The following NDRG3 variants were observed in gnomAD, a reference collection of about 807,000 sequenced individuals.
NDRG3 encodes the protein protein NDRG3.
Under a neutral mutation model 57.2 loss-of-function variants are expected in NDRG3, and 23 were observed. The ratio of observed to expected loss-of-function variants is 0.40; its 90% CI spans 0.29 to 0.57. NDRG3 has a LOEUF of 0.57. Ranked by LOEUF, NDRG3 falls within the 20% of genes least tolerant of loss-of-function variation. NDRG3 has a pLI of 0.42. For missense variants in NDRG3, 384 were observed against 457.3 expected, an observed-to-expected ratio of 0.84 and a Z score of 1.46; for synonymous variants, 132 against 162.6, an observed-to-expected ratio of 0.81 and a Z score of 1.43.
At chr20:36,694,277 T>C (rs886970067) in intron 3 of NDRG3, among the ~76,000 whole-genome samples, 1 of 152,306 alleles carries the variant, frequency 6.6e-6, no homozygotes, top group South Asian at 2.1e-4. Flanking sequence ...GTCTGACTTT[T>C]TACACTCTCA....
chr20:36,665,233 T>G lies in NDRG3; in HGVS notation c.758+3A>C. On this transcript the variant is annotated splice_donor_region_variant and intron_variant, in intron 11 of 15. Coordinates refer to ENST00000349004, the MANE Select transcript of NDRG3 (RefSeq NM_032013.4). ...AGTCAGCTGAGGAAACTGAGGAACT[T>G]ACTTTAATGTTTTTGATTTGTTATC... is the stretch of plus-strand genomic sequence containing the variant. The G allele has an allele frequency of 6.2e-7, 1 of 1,614,102 alleles. No individual in the cohort carries two copies. The highest frequency in any genetic ancestry group is 8.5e-7 in the Non-Finnish European group (1 of 1,179,934).
intron 8 of NDRG3, among the ~76,000 whole-genome samples, chr20:36,673,020 C>T (rs1348872652): frequency 6.6e-6 from 1 of 151,986 alleles, no homozygotes; most frequent in Non-Finnish European, 1.5e-5. Context: ...TGCACCACCA[C>T]GCCAGGCTAA....
chr20:36,670,888 A>T (rs6093252), intron 9 of NDRG3, among the ~76,000 whole-genome samples: 5,373 of 152,276 alleles, frequency 0.035, 310 homozygotes, highest in African/African-American at 0.12. Context: ...AGCAATTATG[A>T]ACACGATAAC....
intron 2 of NDRG3, among the ~76,000 whole-genome samples, chr20:36,719,672 C>G (rs1010482460): frequency 1.2e-4 from 18 of 151,858 alleles, no homozygotes; most frequent in African/African-American, 4.1e-4. Flanking sequence ...CGCACACCCC[C>G]CCTCCCCGCC....
At chr20:36,676,695 T>C (rs1980747107) in intron 8 of NDRG3, among the ~76,000 whole-genome samples, 1 of 152,248 alleles carries the variant, frequency 6.6e-6, no homozygotes, top group Non-Finnish European at 1.5e-5. Flanking sequence ...ACTCCTGACC[T>C]CAGGTGATCC....
chr20:36,699,652 C>A (rs998317118), intron 3 of NDRG3, among the ~76,000 whole-genome samples: 1 of 151,742 alleles, frequency 6.6e-6, no homozygotes, highest in South Asian at 2.1e-4. Context: ...TGCCAAGGCC[C>A]GGTAACTGAT....
chr20:36,734,593 G>A (rs1985513485), intron 1 of NDRG3, among the ~76,000 whole-genome samples: 1 of 152,060 alleles, frequency 6.6e-6, no homozygotes, highest in African/African-American at 2.4e-5. Flanking sequence ...TACAGTTCGA[G>A]GCAGTATACA....
At chr20:36,691,869 C>A (rs1295543397) in intron 3 of NDRG3, among the ~76,000 whole-genome samples, 1 of 152,180 alleles carries the variant, frequency 6.6e-6, no homozygotes, top group Non-Finnish European at 1.5e-5. Context: ...TTATTGAATG[C>A]CACTCCATGC....
intron 5 of NDRG3, among the ~76,000 whole-genome samples, chr20:36,685,108 C>T (rs1276213311): frequency 6.6e-6 from 1 of 152,020 alleles, no homozygotes; most frequent in African/African-American, 2.4e-5. Context: ...CAGTTGGAGT[C>T]CAGGCTCAGT....
chr20:36,727,463 G>A (rs1284798615), intron 1 of NDRG3, among the ~76,000 whole-genome samples: 8 of 151,878 alleles, frequency 5.3e-5, no homozygotes, highest in African/African-American at 7.3e-5. Context: ...CAGGTAATCC[G>A]CCTGCTTTGG....
intron 12 of NDRG3, among the ~76,000 whole-genome samples, chr20:36,664,719 TCA>T (rs1979472802): frequency 6.6e-6 from 1 of 152,180 alleles, no homozygotes; most frequent in South Asian, 2.1e-4. Context: ...AGGCACGGTC[TCA>T]CTCTGTCACC....
At chr20:36,682,873 C>T (rs920438011) in intron 6 of NDRG3, among the ~76,000 whole-genome samples, 5 of 151,420 alleles carry the variant, frequency 3.3e-5, no homozygotes, top group African/African-American at 9.7e-5. Context: ...CAAGACCATC[C>T]TGGCCAACAT....
At chr20:36,719,462 G>C (rs1984464638) in intron 2 of NDRG3, among the ~76,000 whole-genome samples, 1 of 151,304 alleles carries the variant, frequency 6.6e-6, no homozygotes, top group South Asian at 2.1e-4. Context: ...GCTTGCCAAG[G>C]GAGAGAGAAG....
chr20:36,655,857 T>G (rs1978606711), intron 15 of NDRG3, among the ~76,000 whole-genome samples: 1 of 152,108 alleles, frequency 6.6e-6, no homozygotes, highest in Non-Finnish European at 1.5e-5. Context: ...ATATATAGGT[T>G]GGGCACGGTA....
intron 1 of NDRG3, among the ~76,000 whole-genome samples, chr20:36,726,401 A>G (rs1320661999): frequency 6.6e-6 from 1 of 152,232 alleles, no homozygotes; most frequent in African/African-American, 2.4e-5. Context: ...GCAACTTGGC[A>G]GTAGACATTC....
chr20:36,688,296 A>G (rs1298769826), intron 4 of NDRG3, among the ~76,000 whole-genome samples: 1 of 152,260 alleles, frequency 6.6e-6, no homozygotes, highest in Non-Finnish European at 1.5e-5. Context: ...AGGCTCTAGC[A>G]AGAATTCTTA....
intron 8 of NDRG3, among the ~76,000 whole-genome samples, chr20:36,678,748 A>G (rs1980979835): frequency 6.6e-6 from 1 of 152,218 alleles, no homozygotes; most frequent in African/African-American, 2.4e-5. Flanking sequence ...TGTAATTAAA[A>G]ATTCTTATTT....
chr20:36,704,222 G>A (rs765760083), intron 3 of NDRG3, among the ~76,000 whole-genome samples: 1 of 151,936 alleles, frequency 6.6e-6, no homozygotes, highest in Non-Finnish European at 1.5e-5. Context: ...GATTACAGAC[G>A]CAAACCACCA....
chr20:36,705,105 AGGTCAGG>A (rs1401519163), intron 3 of NDRG3, among the ~76,000 whole-genome samples: 1 of 152,062 alleles, frequency 6.6e-6, no homozygotes, highest in African/African-American at 2.4e-5. Flanking sequence ...GAATCATTTG[AGGTCAGG>A]GGTTCGAGAC....
Sources: allele counts gnomAD v4.1 joint callset (sites outside exome capture counted in the v4.1 genomes callset), GRCh38; gene constraint gnomAD v4.1.1; transcripts MANE v1.5; gene names NCBI Gene and HGNC (gene_info 2026-07-23, HGNC 2026-07-21).